Variants in INPP5B observed in about 807,000 individuals in gnomAD.
The protein encoded by INPP5B is type II inositol 1,4,5-trisphosphate 5-phosphatase.
A neutral mutation model predicts 118.5 loss-of-function variants in INPP5B; 90 were observed. The ratio of observed to expected loss-of-function variants is 0.76; its 90% CI spans 0.64 to 0.90. The LOEUF (loss-of-function observed/expected upper bound fraction) is 0.90. Among genes scored for constraint, INPP5B ranks in the 40% least tolerant of loss-of-function variants. The pLI, the probability that INPP5B is intolerant of heterozygous loss-of-function variation, is 0.00. For missense variants in INPP5B, 984 were observed against 1,125.6 expected, an observed-to-expected ratio of 0.87 and a Z score of 1.80; for synonymous variants, 385 against 418.9, an observed-to-expected ratio of 0.92 and a Z score of 0.99.
chr1:37,873,536 C>G lies in INPP5B; in HGVS notation c.1952-371G>C, dbSNP rs570194825. The G allele has an allele frequency of 1.5e-5, 5 of 328,578 alleles. No individual in the cohort carries two copies. In the East Asian group the frequency reaches 3.7e-4, roughly 24 times the overall value. 20.4% of individuals were successfully genotyped at this position (328,578 alleles called of 1,614,324 possible). A position where few individuals can be genotyped will look rare whatever the true frequency, so the allele number is the denominator to read the frequency against. On this transcript the variant is annotated intron_variant, in intron 18 of 23. Transcript: ENST00000373024. ...GTAGAAGTGTAACGCAATTATCGGCCTGTGAATTGTCCACAAAACACCCTT... is the reference window on the plus strand; with the variant it reads ...GTAGAAGTGTAACGCAATTATCGGCGTGTGAATTGTCCACAAAACACCCTT...
chr1:37,937,623 C>T (rs555292155), intron 6 of INPP5B, among the ~76,000 whole-genome samples: 453 of 152,058 alleles, frequency 3.0e-3, no homozygotes, highest in Non-Finnish European at 5.2e-3. Context: ...AAAAATTAGC[C>T]AGGCATGGTG....
At chr1:37,934,512 A>G (rs1218278643) in intron 6 of INPP5B, among the ~76,000 whole-genome samples, 2 of 152,212 alleles carry the variant, frequency 1.3e-5, no homozygotes, top group Non-Finnish European at 2.9e-5. Flanking sequence ...GTGCTGTACA[A>G]CATTATCCAT....
intron 16 of INPP5B, 111 bp from the exon 17 acceptor site, chr1:37,875,827 A>T: frequency 1.4e-6 from 1 of 699,670 alleles, no homozygotes; most frequent in South Asian, 1.7e-5. Context: ...CAACACAGAA[A>T]ACAAAGGCTA....
At chr1:37,910,485 T>C (rs531093115) in intron 7 of INPP5B, among the ~76,000 whole-genome samples, 1 of 152,012 alleles carries the variant, frequency 6.6e-6, no homozygotes, top group East Asian at 1.9e-4. Flanking sequence ...TGCCTCCTTT[T>C]CCCCCAGTTC....
intron 6 of INPP5B, among the ~76,000 whole-genome samples, chr1:37,937,539 G>T (rs1477935877): frequency 6.6e-6 from 1 of 151,746 alleles, no homozygotes; most frequent in Non-Finnish European, 1.5e-5. Context: ...GGCCAAAGTG[G>T]GCGGATCACC....
intron 7 of INPP5B, among the ~76,000 whole-genome samples, chr1:37,912,976 G>A (rs1644751120): frequency 1.3e-5 from 2 of 151,920 alleles, no homozygotes; most frequent in Admixed American, 6.6e-5. Flanking sequence ...GGGGACTCTG[G>A]GCCAGGCGCA....
At chr1:37,893,085 C>CG (rs1643894675) in intron 7 of INPP5B, among the ~76,000 whole-genome samples, 1 of 81,436 alleles carries the variant, frequency 1.2e-5, no homozygotes, top group East Asian at 3.4e-4. Context: ...TTTTCTTTTT[C>CG]TTTTTTTTTT....
rs367625403 is a variant in INPP5B, at chr1:37,940,770, T to C, written c.309A>G (p.Thr103=). The change falls in exon 6 of 24, where the codon ACA becomes ACG. Residue 103 remains threonine (T), a synonymous_variant. Transcript: ENST00000373024. ...LGSDVTVQLD[T]AELSLVFQLP... is the part of the protein sequence containing the mutation. ...GTTGGAATACGAGGCTAAGCTCTGCTGTGTCCAGCTGGACGGTCACATCTG... is the reference window on the plus strand; with the variant it reads ...GTTGGAATACGAGGCTAAGCTCTGCCGTGTCCAGCTGGACGGTCACATCTG... 3.0e-5 allele frequency: 48 copies of C among 1,613,836 alleles called. No homozygotes were observed. Among genetic ancestry groups the C allele is most frequent in the Non-Finnish European group, 4.1e-5 (48 of 1,179,852 alleles).
At chr1:37,910,079 T>C (rs1040737609) in intron 7 of INPP5B, among the ~76,000 whole-genome samples, 1 of 152,166 alleles carries the variant, frequency 6.6e-6, no homozygotes, top group African/African-American at 2.4e-5. Context: ...GGCCCAAGGC[T>C]CTCTGACTGA....
At chr1:37,871,895 CAA>C (rs368128622) in intron 19 of INPP5B, among the ~76,000 whole-genome samples, 21 of 112,490 alleles carry the variant, frequency 1.9e-4, no homozygotes, top group Admixed American at 3.7e-4. Flanking sequence ...GACTCTGTTT[CAA>C]AAAAAAAAAA....
At chr1:37,895,550 CCT>C (rs974912567) in intron 7 of INPP5B, among the ~76,000 whole-genome samples, 1 of 151,744 alleles carries the variant, frequency 6.6e-6, no homozygotes, top group African/African-American at 2.4e-5. Flanking sequence ...CCACGGTCTC[CCT>C]CTGATGCCGA....
chr1:37,913,162 C>A (rs1382979233), intron 7 of INPP5B, among the ~76,000 whole-genome samples: 2 of 152,076 alleles, frequency 1.3e-5, no homozygotes, highest in African/African-American at 4.8e-5. Flanking sequence ...GAGGCTGAGG[C>A]AGGAGAATGG....
At chr1:37,895,848 G>C (rs996099284) in intron 7 of INPP5B, among the ~76,000 whole-genome samples, 41 of 152,100 alleles carry the variant, frequency 2.7e-4, no homozygotes, top group Non-Finnish European at 5.0e-4. Context: ...GCAGTGGCGT[G>C]ATCTCGGCTC....
At chr1:37,892,679 G>A (rs997326791) in intron 7 of INPP5B, among the ~76,000 whole-genome samples, 5 of 152,182 alleles carry the variant, frequency 3.3e-5, no homozygotes, top group Non-Finnish European at 5.9e-5. Context: ...ATTTGAACAT[G>A]AAAATAATTA....
chr1:37,915,730 T>C (rs1041830659), intron 7 of INPP5B, among the ~76,000 whole-genome samples: 3 of 152,240 alleles, frequency 2.0e-5, no homozygotes, highest in African/African-American at 4.8e-5. Flanking sequence ...TCTCAGTGAT[T>C]AGATTTCTTT....
intron 17 of INPP5B, among the ~76,000 whole-genome samples, chr1:37,875,348 A>G (rs1642724399): frequency 6.6e-6 from 1 of 152,002 alleles, no homozygotes; most frequent in Non-Finnish European, 1.5e-5. Context: ...GGCTCACTGC[A>G]AGCTCCACCT....
chr1:37,927,597 C>T (rs970208321), intron 7 of INPP5B, among the ~76,000 whole-genome samples: 9 of 150,180 alleles, frequency 6.0e-5, no homozygotes, highest in East Asian at 3.9e-4. Flanking sequence ...AGTCCAGTGG[C>T]GCAATCTCAG....
chr1:37,880,120 G>T lies in INPP5B; in HGVS notation c.1506C>A (p.Tyr502Ter). 1.2e-6 allele frequency: 2 copies of T among 1,611,694 alleles called. No homozygotes were observed. Among genetic ancestry groups the T allele is most frequent in the Non-Finnish European group, 1.7e-6 (2 of 1,178,214 alleles). Residue 502 changes from tyrosine to a stop codon, truncating the protein, a stop_gained, in exon 15 of 24, where the codon TAC becomes TAA. Transcript: ENST00000373024. LOFTEE classifies it high-confidence loss of function. ...AGTCGTCAGAGCCCGTATCATACTT[G>T]TAAGTAGGCTGGAATGTGAGCTCAC... ...TEGELTFQPT[Y>*]KYDTGSDDWD...
Position 37,931,994 on chromosome 1 carries a change from C to G in INPP5B, c.451G>C (p.Glu151Gln). The G allele has an allele frequency of 1.9e-6, 3 of 1,613,654 alleles. No individual in the cohort carries two copies. The highest frequency in any genetic ancestry group is 2.5e-6 in the Non-Finnish European group (3 of 1,179,806). ...FLWLSRYRCA[E>Q]LELEMPTPRG... Reference sequence around the variant, plus strand: ...GGCGTTGGCATCTCCAGCTCCAGCTCTGCGCACCTATACCGAGACAGCCAC... The same window carrying G: ...GGCGTTGGCATCTCCAGCTCCAGCTGTGCGCACCTATACCGAGACAGCCAC... The change falls in exon 7 of 24, where the codon GAG becomes CAG. Residue 151 changes from glutamate (E) to glutamine (Q), a missense_variant. Physicochemically the swap from Glu to Gln is conservative, Grantham distance 29. Transcript: ENST00000373024.
Sources: allele counts gnomAD v4.1 joint callset (sites outside exome capture counted in the v4.1 genomes callset), GRCh38; gene constraint gnomAD v4.1.1; transcripts MANE v1.5; gene names NCBI Gene and HGNC (gene_info 2026-07-23, HGNC 2026-07-21).